The following KIFAP3 variants were observed in gnomAD, a reference collection of about 807,000 sequenced individuals.
KIFAP3 encodes the protein kinesin associated protein 3, also known as kinesin-associated protein 3.
A neutral mutation model predicts 106.5 loss-of-function variants in KIFAP3; 68 were observed. The observed-to-expected ratio is 0.64, with a 90% CI of 0.53 to 0.78. KIFAP3 has a LOEUF of 0.78. KIFAP3 is among the 30% of genes least tolerant of loss of function. KIFAP3 has a pLI of 0.00. For missense variants in KIFAP3, 780 were observed against 941.8 expected, an observed-to-expected ratio of 0.83 and a Z score of 2.25; for synonymous variants, 320 against 311.5, an observed-to-expected ratio of 1.03 and a Z score of -0.29.
chr1:170,034,534 AC>A (rs752507362), intron 6 of KIFAP3, 38 bp from the exon 7 acceptor site: 1 of 1,153,120 alleles, frequency 8.7e-7, no homozygotes, highest in South Asian at 1.6e-5. Flanking sequence ...TTAAAAGAAT[AC>A]ATTTTATGGG....
intron 14 of KIFAP3, 132 bp downstream of exon 14, chr1:169,982,570 G>T: frequency 1.9e-6 from 1 of 527,350 alleles, no homozygotes; most frequent in Non-Finnish European, 3.3e-6. Context: ...ACCTTTCTGG[G>T]AGAAGAGAGC....
At chr1:170,078,982 T>A (rs1345345712), upstream of KIFAP3, among the ~76,000 whole-genome samples, 1 of 152,216 alleles carries the variant, frequency 6.6e-6, no homozygotes, top group African/African-American at 2.4e-5. Flanking sequence ...GCAAGGTTGG[T>A]TTAATACATG....
chr1:170,017,998 G>A (rs1668610739), intron 9 of KIFAP3, among the ~76,000 whole-genome samples: 1 of 152,162 alleles, frequency 6.6e-6, no homozygotes, highest in African/African-American at 2.4e-5. Flanking sequence ...TTTAAGACAG[G>A]GATCAGCAAA....
At chr1:169,936,841 A>G (rs1467167384) in intron 19 of KIFAP3, among the ~76,000 whole-genome samples, 1 of 151,404 alleles carries the variant, frequency 6.6e-6, no homozygotes, top group African/African-American at 2.4e-5. Context: ...GAATTCAGAA[A>G]TGTTTAAGAT....
At chr1:170,038,567 T>C in intron 4 of KIFAP3, 136 bp from the exon 5 acceptor site, 4 of 852,344 alleles carry the variant, frequency 4.7e-6, no homozygotes, top group Non-Finnish European at 7.3e-6. Context: ...AGCCATCTTT[T>C]TGGATATGGA....
At chr1:170,027,078 T>G (rs950001432) in intron 8 of KIFAP3, among the ~76,000 whole-genome samples, 5 of 144,258 alleles carry the variant, frequency 3.5e-5, no homozygotes, top group Non-Finnish European at 7.5e-5. Context: ...TGGAATGCAA[T>G]GCGTGACCTT....
At chr1:169,974,893 A>T (rs1182862937) in intron 16 of KIFAP3, among the ~76,000 whole-genome samples, 1 of 152,018 alleles carries the variant, frequency 6.6e-6, no homozygotes, top group Non-Finnish European at 1.5e-5. Flanking sequence ...GCCATGGGAG[A>T]CTGGTTCTAG....
intron 2 of KIFAP3, among the ~76,000 whole-genome samples, chr1:170,051,787 T>C (rs1280526445): frequency 6.6e-6 from 1 of 152,168 alleles, no homozygotes; most frequent in African/African-American, 2.4e-5. Flanking sequence ...AGAAGTTCTT[T>C]GAAACCAATG....
chr1:170,075,120 AAAACAAAC>A (rs374280684), upstream of KIFAP3, among the ~76,000 whole-genome samples: 25 of 152,242 alleles, frequency 1.6e-4, 1 homozygote, highest in East Asian at 7.7e-4. Context: ...TCCCCCAACC[AAAACAAAC>A]AAACAAACAA....
intron 3 of KIFAP3, chr1:170,042,051 T>C (rs1410854117): frequency 6.0e-6 from 1 of 166,454 alleles, no homozygotes; most frequent in Non-Finnish European, 1.2e-5. Flanking sequence ...TCAATGTGCC[T>C]AACGGGTGGA....
chr1:170,013,403 C>T (rs573983988), intron 10 of KIFAP3, among the ~76,000 whole-genome samples: 78 of 151,124 alleles, frequency 5.2e-4, no homozygotes, highest in Non-Finnish European at 8.8e-4. Context: ...TGTAATATTG[C>T]ATTATCTCAT....
chr1:170,060,519 A>C (rs1671089044), intron 1 of KIFAP3, among the ~76,000 whole-genome samples: 1 of 152,210 alleles, frequency 6.6e-6, no homozygotes, highest in South Asian at 2.1e-4. Context: ...AGAGGACACA[A>C]ACAAATGGAA....
At chr1:170,081,717 G>A (rs1338223133) in intron 1 of KIFAP3, among the ~76,000 whole-genome samples, 1 of 152,190 alleles carries the variant, frequency 6.6e-6, no homozygotes, top group Non-Finnish European at 1.5e-5. Flanking sequence ...AGGGATGCAT[G>A]TGGGCCCCAC....
chr1:170,058,921 T>G (rs1184834764), intron 1 of KIFAP3, among the ~76,000 whole-genome samples: 1 of 152,102 alleles, frequency 6.6e-6, no homozygotes, highest in Non-Finnish European at 1.5e-5. Context: ...GAATGACTAC[T>G]GGGTACATAA....
chr1:169,960,184 T>C (rs1334822723), intron 18 of KIFAP3, among the ~76,000 whole-genome samples: 1 of 152,082 alleles, frequency 6.6e-6, no homozygotes, highest in East Asian at 1.9e-4. Flanking sequence ...TAAAATGAGA[T>C]AATACACAAA....
At chr1:169,964,611 C>T (rs1665509887) in intron 17 of KIFAP3, among the ~76,000 whole-genome samples, 1 of 152,068 alleles carries the variant, frequency 6.6e-6, no homozygotes, top group Non-Finnish European at 1.5e-5. Context: ...ATCGTATTCT[C>T]AATCATGCTC....
At chr1:170,084,718 C>A (rs61707862) in intron 1 of KIFAP3, among the ~76,000 whole-genome samples, 142 of 152,044 alleles carry the variant, frequency 9.3e-4, no homozygotes, top group African/African-American at 2.7e-3. Flanking sequence ...TAGTTTGAGA[C>A]AGAATTAGTT....
At chr1:169,994,689 T>C (rs1372806384) in intron 10 of KIFAP3, among the ~76,000 whole-genome samples, 6 of 152,022 alleles carry the variant, frequency 3.9e-5, no homozygotes, top group Non-Finnish European at 7.4e-5. Flanking sequence ...TTTATTTATA[T>C]GAAATAATAT....
chr1:170,000,008 A>G (rs1056025421), intron 10 of KIFAP3, among the ~76,000 whole-genome samples: 1 of 152,170 alleles, frequency 6.6e-6, no homozygotes, highest in African/African-American at 2.4e-5. Flanking sequence ...ATTAAAGGGC[A>G]AAACACATGC....
Sources: allele counts gnomAD v4.1 joint callset (sites outside exome capture counted in the v4.1 genomes callset), GRCh38; gene constraint gnomAD v4.1.1; transcripts MANE v1.5; gene names NCBI Gene and HGNC (gene_info 2026-07-23, HGNC 2026-07-21).